STPG2: variants seen among roughly 807,000 people sequenced by gnomAD.
STPG2 encodes sperm tail PG-rich repeat containing 2, also known as sperm-tail PG-rich repeat-containing protein 2.
A neutral mutation model predicts 54.2 loss-of-function variants in STPG2; 56 were observed. The ratio of observed to expected loss-of-function variants is 1.03; its 90% CI spans 0.83 to 1.29. The LOEUF is 1.29. STPG2 is among the 50% of genes most tolerant of loss of function. The pLI is 0.00. For missense variants in STPG2, 596 were observed against 544.9 expected (o/e 1.09, Z -0.93); for synonymous variants, 200 against 181.8 (o/e 1.10, Z -0.81).
At chr4:97,616,231 A>G (rs1410501108) in intron 10 of STPG2, among the ~76,000 whole-genome samples, 1 of 151,160 alleles carries the variant, frequency 6.6e-6, no homozygotes, top group Admixed American at 6.6e-5. Context: ...TGATTAAAAT[A>G]TCCAATGTTT....
At chr4:97,908,583 T>A (rs376031857) in intron 8 of STPG2, among the ~76,000 whole-genome samples, 1 of 152,042 alleles carries the variant, frequency 6.6e-6, no homozygotes, top group Non-Finnish European at 1.5e-5. Flanking sequence ...TATTGCAGCA[T>A]TATTCACAAT....
chr4:97,642,259 AT>A (rs1410432487), intron 10 of STPG2, among the ~76,000 whole-genome samples: 1 of 151,378 alleles, frequency 6.6e-6, no homozygotes, highest in African/African-American at 2.4e-5. Flanking sequence ...AAACCTCATA[AT>A]TCATACATTT....
intron 5 of STPG2, among the ~76,000 whole-genome samples, chr4:98,075,541 C>A (rs1400005711): frequency 6.6e-6 from 1 of 152,214 alleles, no homozygotes; most frequent in African/African-American, 2.4e-5. Context: ...CCCCTCCTCT[C>A]TGGAATCTTT....
At chr4:97,879,020 A>C (rs1730276386) in intron 8 of STPG2, among the ~76,000 whole-genome samples, 1 of 152,168 alleles carries the variant, frequency 6.6e-6, no homozygotes, top group Admixed American at 6.5e-5. Flanking sequence ...ATCTCTAGGC[A>C]TGGGCAAAAT....
chr4:97,595,970 T>G (rs1051411154), intron 10 of STPG2, among the ~76,000 whole-genome samples: 3 of 152,172 alleles, frequency 2.0e-5, no homozygotes, highest in Admixed American at 2.0e-4. Flanking sequence ...AGGCACAGAC[T>G]GGCAAGTTCA....
At chr4:97,687,764 C>T (rs998513989) in intron 10 of STPG2, among the ~76,000 whole-genome samples, 1 of 151,970 alleles carries the variant, frequency 6.6e-6, no homozygotes, top group Non-Finnish European at 1.5e-5. Context: ...AAAAAGGGAA[C>T]TTTAGAATAT....
chr4:97,972,061 A>G (rs192518847), intron 7 of STPG2, among the ~76,000 whole-genome samples: 10 of 152,208 alleles, frequency 6.6e-5, no homozygotes, highest in African/African-American at 2.2e-4. Flanking sequence ...TTCAAACGCT[A>G]TATTTTTCAT....
At chr4:97,716,962 C>A (rs931018907) in intron 9 of STPG2, among the ~76,000 whole-genome samples, 1 of 152,060 alleles carries the variant, frequency 6.6e-6, no homozygotes, top group African/African-American at 2.4e-5. Flanking sequence ...AAAGTTTATA[C>A]ATTTATGGAA....
chr4:97,875,781 TA>T, intron 8 of STPG2, among the ~76,000 whole-genome samples: 1 of 152,130 alleles, frequency 6.6e-6, no homozygotes, highest in East Asian at 1.9e-4. Context: ...TGGGCTCTAA[TA>T]TATAATTTTT....
At chr4:97,562,233 C>T (rs555755013) in intron 10 of STPG2, among the ~76,000 whole-genome samples, 1 of 152,208 alleles carries the variant, frequency 6.6e-6, no homozygotes, top group South Asian at 2.1e-4. Context: ...CATGATTTGG[C>T]TCTCTGTTTG....
chr4:97,455,927 G>A (rs2148802802), intron 4 of STPG2, among the ~76,000 whole-genome samples: 1 of 152,312 alleles, frequency 6.6e-6, no homozygotes, highest in Middle Eastern at 3.4e-3. Context: ...CACTGAAGAA[G>A]TGAGCCACTC....
intron 8 of STPG2, among the ~76,000 whole-genome samples, chr4:97,890,888 T>C (rs1018388355): frequency 6.6e-6 from 1 of 151,890 alleles, no homozygotes; most frequent in Non-Finnish European, 1.5e-5. Flanking sequence ...ACAAACTATA[T>C]AAACAAATTA....
At chr4:97,903,856 C>T (rs1223500633) in intron 8 of STPG2, among the ~76,000 whole-genome samples, 5 of 152,282 alleles carry the variant, frequency 3.3e-5, no homozygotes, top group East Asian at 3.9e-4. Context: ...CCTGGAAAAT[C>T]GGGTCACTCC....
At chr4:98,054,819 C>T (rs1182868337) in intron 5 of STPG2, among the ~76,000 whole-genome samples, 2 of 152,082 alleles carry the variant, frequency 1.3e-5, no homozygotes, top group East Asian at 3.9e-4. Context: ...ATGACTGAAA[C>T]ATGCTAAATA....
At chr4:97,758,193 A>G (rs746004846) in intron 9 of STPG2, among the ~76,000 whole-genome samples, 1 of 152,210 alleles carries the variant, frequency 6.6e-6, no homozygotes, top group Non-Finnish European at 1.5e-5. Context: ...TAAGAATAGA[A>G]AGGCCCTAGA....
chr4:97,611,989 T>C (rs1733741031), intron 10 of STPG2, among the ~76,000 whole-genome samples: 1 of 151,746 alleles, frequency 6.6e-6, no homozygotes, highest in Admixed American at 6.6e-5. Context: ...TACAAATCAA[T>C]ATAAAATTCA....
chr4:97,512,417 G>A (rs995023645), intron 4 of STPG2, among the ~76,000 whole-genome samples: 21 of 152,110 alleles, frequency 1.4e-4, no homozygotes, highest in African/African-American at 4.8e-4. Flanking sequence ...ATCCCTGACT[G>A]TAAATGTTTA....
At chr4:97,785,517 T>C (rs1726796947) in intron 9 of STPG2, among the ~76,000 whole-genome samples, 1 of 152,138 alleles carries the variant, frequency 6.6e-6, no homozygotes, top group Non-Finnish European at 1.5e-5. Flanking sequence ...TACGTTTGTG[T>C]TCATACAATG....
At chr4:97,931,061 T>A (rs1343229896) in intron 8 of STPG2, among the ~76,000 whole-genome samples, 2 of 152,240 alleles carry the variant, frequency 1.3e-5, no homozygotes, top group African/African-American at 4.8e-5. Flanking sequence ...TGAAGTTTTC[T>A]ATTAGCTGAA....
Sources: allele counts gnomAD v4.1 joint callset (sites outside exome capture counted in the v4.1 genomes callset), GRCh38; gene constraint gnomAD v4.1.1; transcripts MANE v1.5; gene names NCBI Gene and HGNC (gene_info 2026-07-23, HGNC 2026-07-21).